Variants in RELN observed in about 807,000 individuals in gnomAD.
RELN encodes the protein reelin.
RELN carries 108 observed loss-of-function variants against 427.6 expected under a neutral mutation model. That is an observed-to-expected ratio of 0.25 (90% CI 0.22 to 0.30). The LOEUF is 0.30. RELN is among the 10% of genes least tolerant of loss of function. The pLI, the probability that RELN is intolerant of heterozygous loss-of-function variation, is 1.00. For missense variants in RELN, 3,715 were observed against 4,302.8 expected (o/e 0.86, Z 3.82); for synonymous variants, 1,524 against 1,513.4 (o/e 1.01, Z -0.16).
intron 15 of RELN, 97 bp downstream of exon 15, chr7:103,651,564 C>T: frequency 8.2e-7 from 1 of 1,214,930 alleles, no homozygotes. Context: ...GGTTTCTTAC[C>T]TATTATGACA....
At position 103,566,605 on chromosome 7, in the gene RELN, T is replaced by C. The variant is rs1048908593; in HGVS notation, c.4743A>G (p.Gln1581=). Residue 1581 remains glutamine, a synonymous_variant, in exon 32 of 65, where the codon CAA becomes CAG. Transcript: ENST00000428762. ...CTGGAGTGAGCAGTAACTTACCATG[T>C]TGCGGTTGCCACCATCGAAATGCCG... ...PATAFRWWQP[Q]HGKHSAQWAL... The C allele has an allele frequency of 1.2e-6, 2 of 1,614,042 alleles. No individual in the cohort carries two copies. Among genetic ancestry groups the C allele is most frequent in the Non-Finnish European group, 1.7e-6 (2 of 1,180,010 alleles).
At chr7:103,662,269 C>T (rs1196552325) in intron 11 of RELN, among the ~76,000 whole-genome samples, 1 of 152,192 alleles carries the variant, frequency 6.6e-6, no homozygotes, top group Non-Finnish European at 1.5e-5. Context: ...ACTCCAGAGC[C>T]TATGCTCTTA....
At chr7:103,519,033 C>A (rs1402621497) in intron 49 of RELN, among the ~76,000 whole-genome samples, 1 of 152,182 alleles carries the variant, frequency 6.6e-6, no homozygotes, top group African/African-American at 2.4e-5. Context: ...CAAAGCATTG[C>A]TGAAATTAAT....
chr7:103,632,538 A>G (rs987265544), intron 19 of RELN, among the ~76,000 whole-genome samples: 22 of 152,168 alleles, frequency 1.4e-4, no homozygotes, highest in Admixed American at 1.3e-3. Flanking sequence ...CTTAACTTCT[A>G]CATCGTATCT....
At chr7:103,909,106 AT>A (rs1795281892) in intron 2 of RELN, among the ~76,000 whole-genome samples, 1 of 152,164 alleles carries the variant, frequency 6.6e-6, no homozygotes, top group South Asian at 2.1e-4. Flanking sequence ...ACAATACTCT[AT>A]TTAATGAAAT....
chr7:103,731,674 A>C (rs1164154753), intron 6 of RELN, among the ~76,000 whole-genome samples: 2 of 152,106 alleles, frequency 1.3e-5, no homozygotes, highest in African/African-American at 4.8e-5. Context: ...GGCTGGAGGT[A>C]GAAAAGCCTG....
At chr7:103,491,108 A>ACAAC in intron 58 of RELN, among the ~76,000 whole-genome samples, 1 of 152,388 alleles carries the variant, frequency 6.6e-6, no homozygotes, top group South Asian at 2.1e-4. Flanking sequence ...TACTAGAAAT[A>ACAAC]TACCTGGAGT....
rs532791082 is a variant in RELN, at chr7:103,675,680, C to T, written c.1289+6436G>A. On this transcript the variant is annotated intron_variant, in intron 11 of 64. Coordinates refer to ENST00000428762, the MANE Select transcript of RELN (RefSeq NM_005045.4). ...AACCAAAACAGCATGGTACTGGTAC[C>T]AAAACAGAGATATAGACCAATGGAA... Among the ~76,000 whole-genome samples, 27 of 152,202 alleles carry T rather than the reference C, an allele frequency of 1.8e-4. No homozygotes were observed. In the East Asian group the frequency reaches 5.2e-3, roughly 29 times the overall value.
intron 2 of RELN, among the ~76,000 whole-genome samples, chr7:103,909,938 G>C (rs112726060): frequency 7.0e-6 from 1 of 142,262 alleles, no homozygotes; most frequent in East Asian, 2.0e-4. Flanking sequence ...AAAATTTCCA[G>C]TTCTGTGCAG....
chr7:103,740,280 C>T (rs1302177832), intron 6 of RELN, among the ~76,000 whole-genome samples: 1 of 152,158 alleles, frequency 6.6e-6, no homozygotes. Flanking sequence ...AGTTTCTGGA[C>T]AGAATTCATA....
At chr7:103,871,849 T>G (rs1338156602) in intron 2 of RELN, among the ~76,000 whole-genome samples, 1 of 151,988 alleles carries the variant, frequency 6.6e-6, no homozygotes, top group Non-Finnish European at 1.5e-5. Flanking sequence ...CATTGGTGTA[T>G]TTCAAGATTT....
intron 2 of RELN, among the ~76,000 whole-genome samples, chr7:103,896,505 T>A (rs931061177): frequency 2.0e-5 from 3 of 152,006 alleles, no homozygotes; most frequent in Admixed American, 6.6e-5. Context: ...GCCAAAAAAG[T>A]ACATACTGAA....
intron 1 of RELN, among the ~76,000 whole-genome samples, chr7:103,944,622 T>C (rs117599333): frequency 1.3e-5 from 2 of 152,272 alleles, no homozygotes; most frequent in East Asian, 3.9e-4. Context: ...TGTACTACAG[T>C]TATGCCTCTT....
intron 48 of RELN, among the ~76,000 whole-genome samples, chr7:103,519,961 G>C (rs1165602073): frequency 6.6e-6 from 1 of 152,056 alleles, no homozygotes; most frequent in Non-Finnish European, 1.5e-5. Flanking sequence ...TACACAGTAG[G>C]TACCCAGCAC....
At chr7:103,604,777 T>C (rs911056881) in intron 22 of RELN, among the ~76,000 whole-genome samples, 1 of 151,756 alleles carries the variant, frequency 6.6e-6, no homozygotes, top group African/African-American at 2.4e-5. Context: ...CTAGAAAAAG[T>C]ACTAAGAAAG....
intron 2 of RELN, among the ~76,000 whole-genome samples, chr7:103,841,469 T>A (rs1055475976): frequency 1.3e-5 from 2 of 152,198 alleles, no homozygotes; most frequent in Non-Finnish European, 2.9e-5. Flanking sequence ...TCAGCAAGAT[T>A]TGACTCACAA....
chr7:103,539,070 A>G lies in RELN; in HGVS notation c.7180+8T>C, dbSNP rs1022021889. The G allele has an allele frequency of 2.7e-5, 44 of 1,613,888 alleles. No homozygotes were observed. The highest frequency in any genetic ancestry group is 3.6e-5 in the Non-Finnish European group (42 of 1,180,026). On this transcript the variant is annotated splice_region_variant and intron_variant, in intron 45 of 64. Coordinates refer to ENST00000428762, the MANE Select transcript of RELN (RefSeq NM_005045.4). ...GCCTGTCCCTCTATCTGGAGACGGC[A>G]TACTCACCATAACAAGAGTCTGTGA...
chr7:103,697,775 C>T (rs1481931564), intron 10 of RELN, 78 bp downstream of exon 10: 2 of 1,600,878 alleles, frequency 1.2e-6, no homozygotes, highest in Admixed American at 1.7e-5. Flanking sequence ...TATCTTTATA[C>T]AATTTGGTTT....
rs948230108 is a variant in RELN, at chr7:103,572,092, A to G, written c.4588+92T>C. ...GAGAAGGAATGATTCAGGGTAATGT[A>G]TCAGTTTTCAAAATCCTGGCCAAAC... On this transcript the variant is annotated intron_variant, in intron 31 of 64. Coordinates refer to ENST00000428762, the MANE Select transcript of RELN (RefSeq NM_005045.4). 20 of 763,950 alleles carry G rather than the reference A, an allele frequency of 2.6e-5. No homozygotes were observed. The Admixed American group carries it at 3.6e-4, about 14-fold the overall frequency. 47.3% of individuals were successfully genotyped at this position (763,950 alleles called of 1,614,324 possible). A position where few individuals can be genotyped will look rare whatever the true frequency, so the allele number is the denominator to read the frequency against.
Sources: gnomAD v4.1 joint callset for allele counts (sites outside exome capture counted in the v4.1 genomes callset) on GRCh38, gnomAD v4.1.1 for gene constraint, MANE v1.5 for transcripts, NCBI Gene and HGNC (gene_info 2026-07-23, HGNC 2026-07-21) for gene names.